The following EYA1 variants were observed in gnomAD, a reference collection of about 807,000 sequenced individuals.
The protein encoded by EYA1 is protein phosphatase EYA1.
EYA1 carries 16 observed loss-of-function variants against 82.0 expected under a neutral mutation model. The ratio of observed to expected loss-of-function variants is 0.20; its 90% CI spans 0.13 to 0.30. The LOEUF (loss-of-function observed/expected upper bound fraction) is 0.30, where lower values mean the gene tolerates loss of function less well. EYA1 is among the 10% of genes least tolerant of loss of function. The probability of loss-of-function intolerance (pLI) is 1.00; values close to 1 mark genes in which losing one functional copy is unlikely to be tolerated. For missense variants in EYA1, 633 were observed against 730.7 expected (o/e 0.87, Z 1.54); for synonymous variants, 261 against 264.4 (o/e 0.99, Z 0.12).
intron 2 of EYA1, among the ~76,000 whole-genome samples, chr8:71,495,872 A>C (rs1470995754): frequency 7.2e-5 from 11 of 152,158 alleles, no homozygotes; most frequent in Non-Finnish European, 1.3e-4. Flanking sequence ...CATGAAAGGG[A>C]ATGCCTTGCC....
At chr8:71,533,138 T>G (rs986755312) in intron 2 of EYA1, among the ~76,000 whole-genome samples, 1 of 152,196 alleles carries the variant, frequency 6.6e-6, no homozygotes, top group African/African-American at 2.4e-5. Context: ...GGGGAAGTAC[T>G]GAGTGTGAAG....
intron 16 of EYA1, 32 bp downstream of exon 16, chr8:71,215,355 T>C: frequency 6.2e-7 from 1 of 1,605,728 alleles, no homozygotes; most frequent in Non-Finnish European, 8.5e-7. Context: ...GGAAAAGAGC[T>C]GATTGTTAAA....
intron 2 of EYA1, among the ~76,000 whole-genome samples, chr8:71,388,275 T>C (rs1799878550): frequency 6.6e-6 from 1 of 152,154 alleles, no homozygotes; most frequent in Non-Finnish European, 1.5e-5. Flanking sequence ...AAAGTGTCCA[T>C]GGGATTTACA....
intron 12 of EYA1, among the ~76,000 whole-genome samples, chr8:71,218,915 A>G (rs1373204629): frequency 6.6e-6 from 1 of 152,130 alleles, no homozygotes; most frequent in African/African-American, 2.4e-5. Flanking sequence ...AAGTTGAGGA[A>G]CTAGTAGAAG....
At chr8:71,267,902 A>C (rs1003176763) in intron 11 of EYA1, among the ~76,000 whole-genome samples, 1 of 152,246 alleles carries the variant, frequency 6.6e-6, no homozygotes, top group African/African-American at 2.4e-5. Flanking sequence ...CTAAACAAAC[A>C]AACAAATATA....
rs114098172 is a variant in EYA1 at position 71,254,157 on chromosome 8, T to C, written c.1051-9465A>G. ...GTAAAAACATTCTGTAATGGACTGC[T>C]GAAGGAGCTTCTCCAACTGGAGTAC... On this transcript the variant is annotated intron_variant, in intron 11 of 17. Transcript: ENST00000340726. Among the ~76,000 whole-genome samples, 534 of 147,072 alleles carry C rather than the reference T, an allele frequency of 3.6e-3. 4 individuals carry two copies. Among genetic ancestry groups the C allele is most frequent in the African/African-American group, 0.013 (508 of 39,578 alleles).
chr8:71,480,440 A>G (rs12114148), intron 2 of EYA1, among the ~76,000 whole-genome samples: 9,391 of 152,230 alleles, frequency 0.062, 991 homozygotes, highest in African/African-American at 0.21. Context: ...TTCTATCCTC[A>G]TCACTGGTTA....
At chr8:71,322,575 A>G (rs928024441) in intron 4 of EYA1, 9 of 382,034 alleles carry the variant, frequency 2.4e-5, no homozygotes, top group Non-Finnish European at 4.5e-5. Context: ...CTTAAAGAGT[A>G]CAAGGAGTCC....
intron 3 of EYA1, among the ~76,000 whole-genome samples, chr8:71,354,154 T>C (rs183216396): frequency 8.5e-5 from 13 of 152,236 alleles, no homozygotes; most frequent in African/African-American, 3.1e-4. Context: ...TCATATGTAT[T>C]AATTACACAG....
chr8:71,290,328 C>T (rs1237079683), intron 9 of EYA1, among the ~76,000 whole-genome samples: 2 of 152,164 alleles, frequency 1.3e-5, no homozygotes, highest in Non-Finnish European at 2.9e-5. Flanking sequence ...TGTCCTCCAA[C>T]TTAAATACGA....
intron 12 of EYA1, among the ~76,000 whole-genome samples, chr8:71,238,132 T>G (rs1358512403): frequency 6.6e-6 from 1 of 152,058 alleles, no homozygotes; most frequent in Admixed American, 6.6e-5. Flanking sequence ...CATTCTTTCA[T>G]TTTTTAACTG....
intron 2 of EYA1, among the ~76,000 whole-genome samples, chr8:71,428,659 A>G (rs759479523): frequency 2.6e-5 from 4 of 152,224 alleles, no homozygotes; most frequent in Non-Finnish European, 5.9e-5. Flanking sequence ...TGTTAAATTT[A>G]ACAAGGAACA....
At chr8:71,231,878 T>G (rs1585894933) in intron 12 of EYA1, among the ~76,000 whole-genome samples, 1 of 152,278 alleles carries the variant, frequency 6.6e-6, no homozygotes, top group South Asian at 2.1e-4. Context: ...GGCTTGCAGG[T>G]TTGTAAGACA....
At chr8:71,259,471 C>A (rs1814836646) in intron 11 of EYA1, among the ~76,000 whole-genome samples, 1 of 152,176 alleles carries the variant, frequency 6.6e-6, no homozygotes, top group African/African-American at 2.4e-5. Context: ...ACGTAAGACT[C>A]ATGAAAGTCG....
chr8:71,204,746 G>A (rs2380715), intron 17 of EYA1, among the ~76,000 whole-genome samples: 30,491 of 152,122 alleles, frequency 0.2, 3,166 homozygotes, highest in African/African-American at 0.25. Context: ...CATTTAGAAA[G>A]TTTTGCAGAT....
intron 7 of EYA1, among the ~76,000 whole-genome samples, chr8:71,310,387 A>C (rs184048336): frequency 6.6e-6 from 1 of 152,184 alleles, no homozygotes; most frequent in East Asian, 1.9e-4. Flanking sequence ...CACATTAGTT[A>C]TTTTTCCTGA....
intron 17 of EYA1, among the ~76,000 whole-genome samples, chr8:71,206,550 CA>C (rs1563612205): frequency 6.6e-6 from 1 of 151,996 alleles, no homozygotes; most frequent in Non-Finnish European, 1.5e-5. Flanking sequence ...ATCTCACAGT[CA>C]GAGGAAATAC....
rs556183302 is a variant in EYA1, at chr8:71,455,658, C to A, written c.33+80086G>T. On this transcript the variant is annotated intron_variant, in intron 2 of 18. Transcript: ENST00000643681. ...TATAAACAGAATCAAAGACAAAAACCACATGATTATTCAACATATGCAGAA... is the reference window on the plus strand; with the variant it reads ...TATAAACAGAATCAAAGACAAAAACAACATGATTATTCAACATATGCAGAA... Among the ~76,000 whole-genome samples the A allele has an allele frequency of 3.2e-4, 48 of 152,212 alleles. 1 individual carries two copies. The South Asian group carries it at 9.5e-3, about 30-fold the overall frequency.
rs534283565 is a variant in EYA1 at position 71,517,188 on chromosome 8, G to T, written c.33+18556C>A. ...GCTTCAATATTACCTGTTTGTTGAT[G>T]ATCTCAGATCTATACTTTCAGGCCA... On this transcript the variant is annotated intron_variant, in intron 2 of 18. Transcript: ENST00000643681. 2.0e-5 allele frequency among the ~76,000 whole-genome samples: 3 copies of T among 151,846 alleles called. No individual in the cohort carries two copies. In the South Asian group the frequency reaches 6.2e-4, roughly 32 times the overall value.
Sources: gnomAD v4.1 joint callset for allele counts (sites outside exome capture counted in the v4.1 genomes callset) on GRCh38, gnomAD v4.1.1 for gene constraint, MANE v1.5 for transcripts, NCBI Gene and HGNC (gene_info 2026-07-23, HGNC 2026-07-21) for gene names.